The following BABAM2 variants were observed in gnomAD, a reference collection of about 807,000 sequenced individuals.
BABAM2 encodes BRISC and BRCA1-A complex member 2.
Under a neutral mutation model 54.7 loss-of-function variants are expected in BABAM2, and 31 were observed. The ratio of observed to expected loss-of-function variants is 0.57; its 90% CI spans 0.43 to 0.77. The LOEUF (loss-of-function observed/expected upper bound fraction) is 0.77, where lower values mean the gene tolerates loss of function less well. Ranked by LOEUF, BABAM2 falls within the 30% of genes least tolerant of loss-of-function variation. The pLI is 0.00. For synonymous variants in BABAM2, 167 were observed against 162.9 expected, an observed-to-expected ratio of 1.03 and a Z score of -0.19; for missense variants, 364 against 455.8, an observed-to-expected ratio of 0.80 and a Z score of 1.83.
intron 2 of BABAM2, chr2:27,895,008 T>G: frequency 4.0e-6 from 1 of 248,318 alleles, no homozygotes; most frequent in East Asian, 9.6e-5. Context: ...TTTGCTGCAG[T>G]CCAGCAACAA....
chr2:27,995,891 CT>C lies in BABAM2; in HGVS notation c.300+7806del, dbSNP rs1188445205. 2.0e-5 allele frequency among the ~76,000 whole-genome samples: 3 copies of C among 152,032 alleles called. No homozygotes were observed. Among genetic ancestry groups the C allele is most frequent in the African/African-American group, 7.2e-5 (3 of 41,380 alleles). On this transcript the variant is annotated intron_variant, in intron 4 of 11. Coordinates refer to ENST00000379624, the MANE Select transcript of BABAM2 (RefSeq NM_199191.3). This position sits in a 1 kb window ranked among gnomAD's most constrained non-coding sequence, Gnocchi z 4.1. ...CACTGCACCTGGCCCCTCATGAGTT[CT>C]TAATTTTAGAGAATATGTTCTTCAG...
At chr2:28,056,163 G>A (rs1185497448) in intron 6 of BABAM2, among the ~76,000 whole-genome samples, 8 of 152,178 alleles carry the variant, frequency 5.3e-5, no homozygotes, top group East Asian at 3.8e-4. Context: ...GAGCACCTGT[G>A]TAGGATGAAC....
chr2:27,903,575 C>A (rs183411551), intron 2 of BABAM2, among the ~76,000 whole-genome samples: 2 of 152,244 alleles, frequency 1.3e-5, no homozygotes, highest in East Asian at 3.9e-4. Context: ...ATATACTAGT[C>A]CCCCCTTCTC....
chr2:28,289,196 C>G (rs1480561496), intron 10 of BABAM2, among the ~76,000 whole-genome samples: 1 of 152,054 alleles, frequency 6.6e-6, no homozygotes, highest in Non-Finnish European at 1.5e-5. Flanking sequence ...CCAGAAGGAA[C>G]CACTACCCTG....
At chr2:28,189,456 T>A (rs1450021119) in intron 7 of BABAM2, among the ~76,000 whole-genome samples, 3 of 152,162 alleles carry the variant, frequency 2.0e-5, no homozygotes, top group Admixed American at 2.0e-4. Context: ...CAGCATGGAC[T>A]AGAATCTTTG....
chr2:28,075,526 TTTTC>T (rs1159786663), intron 6 of BABAM2, among the ~76,000 whole-genome samples: 2 of 148,234 alleles, frequency 1.3e-5, no homozygotes, highest in African/African-American at 2.5e-5. Flanking sequence ...AACATCACGT[TTTTC>T]TCTCTCTCTC....
At chr2:27,987,354 G>A (rs1247166976) in intron 3 of BABAM2, among the ~76,000 whole-genome samples, 1 of 152,148 alleles carries the variant, frequency 6.6e-6, no homozygotes, top group African/African-American at 2.4e-5. Flanking sequence ...CTTCGTAAAG[G>A]CTTACTAATT....
upstream of BABAM2, chr2:27,890,458 A>G: frequency 1.9e-6 from 2 of 1,037,538 alleles, no homozygotes; most frequent in Non-Finnish European, 2.8e-6. The surrounding 1 kb of genome is among the most constrained non-coding windows in gnomAD (Gnocchi z 4.8). Context: ...TCAGACGCCT[A>G]CGCGGGTCGC....
At chr2:28,249,786 A>T (rs897246156) in intron 10 of BABAM2, among the ~76,000 whole-genome samples, 1 of 151,982 alleles carries the variant, frequency 6.6e-6, no homozygotes, top group Admixed American at 6.6e-5. Flanking sequence ...AACTATACAT[A>T]AGCGCCATGA....
intron 7 of BABAM2, among the ~76,000 whole-genome samples, chr2:28,160,582 CATT>C (rs1488656108): frequency 6.6e-6 from 1 of 151,920 alleles, no homozygotes; most frequent in Admixed American, 6.6e-5. Context: ...TATTATCTCT[CATT>C]ATTCCTAATA....
intron 7 of BABAM2, among the ~76,000 whole-genome samples, chr2:28,203,622 T>C (rs1678513519): frequency 6.6e-6 from 1 of 152,228 alleles, no homozygotes; most frequent in Admixed American, 6.5e-5. Context: ...AAAAATATAG[T>C]AGGTTGTTTT....
chr2:28,275,380 C>T (rs1420829788), intron 10 of BABAM2, among the ~76,000 whole-genome samples: 4 of 152,164 alleles, frequency 2.6e-5, no homozygotes, highest in Non-Finnish European at 5.9e-5. Context: ...AGTATTGCTG[C>T]CCAGGTTGTG....
At chr2:28,102,257 T>C (rs1300507624) in intron 6 of BABAM2, among the ~76,000 whole-genome samples, 5 of 152,222 alleles carry the variant, frequency 3.3e-5, no homozygotes, top group East Asian at 1.9e-4. Flanking sequence ...TGTCCCTTTT[T>C]CCCTCAATAC....
At chr2:28,337,539 C>G (rs1451733238) in intron 11 of BABAM2, among the ~76,000 whole-genome samples, 1 of 152,220 alleles carries the variant, frequency 6.6e-6, no homozygotes, top group Non-Finnish European at 1.5e-5. Flanking sequence ...GATTAGAAAC[C>G]TGGATGCCGG....
chr2:28,073,729 C>T (rs554793546), intron 6 of BABAM2, among the ~76,000 whole-genome samples: 7 of 151,748 alleles, frequency 4.6e-5, no homozygotes, highest in South Asian at 2.1e-4. Context: ...ATCCTTTGGG[C>T]GGGAAAAAAG....
intron 2 of BABAM2, among the ~76,000 whole-genome samples, chr2:27,927,785 G>A (rs1336375205): frequency 6.6e-6 from 1 of 151,098 alleles, no homozygotes; most frequent in Non-Finnish European, 1.5e-5. Context: ...TGAAGATAAT[G>A]AGGAATAATC....
rs763707981 is a variant in BABAM2, at chr2:28,297,742, A to G, written c.935-596A>G. Among the ~76,000 whole-genome samples, 4 of 152,218 alleles carry G rather than the reference A, an allele frequency of 2.6e-5. No individual in the cohort carries two copies. In the East Asian group the frequency reaches 7.7e-4, roughly 29 times the overall value. ...CTGAAACTGCTGAGTATCAAAATTCACTGCTTGATTGGAAGTAGAGTGATA... is the reference window on the plus strand; with the variant it reads ...CTGAAACTGCTGAGTATCAAAATTCGCTGCTTGATTGGAAGTAGAGTGATA... On this transcript the variant is annotated intron_variant, in intron 10 of 11. Transcript: ENST00000379624.
chr2:28,054,358 A>T (rs1017218341), intron 6 of BABAM2, among the ~76,000 whole-genome samples: 9 of 151,816 alleles, frequency 5.9e-5, no homozygotes, highest in Admixed American at 6.6e-5. Context: ...CTTATTTTAA[A>T]TCATCTGTTA....
At chr2:28,168,449 A>G (rs1673952638) in intron 7 of BABAM2, among the ~76,000 whole-genome samples, 1 of 152,194 alleles carries the variant, frequency 6.6e-6, no homozygotes, top group Non-Finnish European at 1.5e-5. Flanking sequence ...GTGGCATCAT[A>G]GGAGCTTGCC....
Sources: gnomAD v4.1 joint callset for allele counts (sites outside exome capture counted in the v4.1 genomes callset) on GRCh38, gnomAD v4.1.1 for gene constraint, Gnocchi (gnomAD v3.1) non-coding constraint, MANE v1.5 for transcripts, NCBI Gene and HGNC (gene_info 2026-07-23, HGNC 2026-07-21) for gene names.